The following AUH variants were observed in gnomAD, a reference collection of about 807,000 sequenced individuals.
The protein encoded by AUH is methylglutaconyl-CoA hydratase, mitochondrial.
AUH carries 29 observed loss-of-function variants against 42.3 expected under a neutral mutation model. The observed-to-expected ratio is 0.69, with a 90% confidence interval of 0.51 to 0.93. The LOEUF (loss-of-function observed/expected upper bound fraction) is 0.93, where lower values mean the gene tolerates loss of function less well. AUH is among the 40% of genes least tolerant of loss of function. The probability of loss-of-function intolerance (pLI) is 0.00; values close to 1 mark genes in which losing one functional copy is unlikely to be tolerated. For missense variants in AUH, 452 were observed against 438.1 expected (o/e 1.03, Z -0.28); for synonymous variants, 174 against 166.4 (o/e 1.05, Z -0.35).
At chr9:91,343,851 A>C (rs1489633217) in intron 3 of AUH, among the ~76,000 whole-genome samples, 3 of 152,224 alleles carry the variant, frequency 2.0e-5, no homozygotes, top group Non-Finnish European at 4.4e-5. Context: ...AACACAAATT[A>C]CCAAAACTCA....
chr9:91,275,553 A>G (rs970709276), intron 6 of AUH, among the ~76,000 whole-genome samples: 2 of 152,220 alleles, frequency 1.3e-5, no homozygotes, highest in Non-Finnish European at 2.9e-5. Flanking sequence ...CAGTTAGATA[A>G]TTAAATAAGT....
chr9:91,356,998 A>C lies in AUH; in HGVS notation c.263-843T>G, dbSNP rs541610162. ...AACTGAGCTAAACTGAAGACAACAA[A>C]ATGTACACATGCCTTCGCTGTGCAA... On this transcript the variant is annotated intron_variant, in intron 1 of 9. Transcript: ENST00000375731. 1.4e-4 allele frequency among the ~76,000 whole-genome samples: 21 copies of C among 152,340 alleles called. No homozygotes were observed. In the South Asian group the frequency reaches 4.3e-3, roughly 32 times the overall value.
intron 6 of AUH, among the ~76,000 whole-genome samples, chr9:91,267,874 T>C (rs1830062838): frequency 1.3e-5 from 2 of 152,080 alleles, no homozygotes; most frequent in Admixed American, 1.3e-4. Context: ...TCCATATGAG[T>C]TGTTGGAAGA....
chr9:91,317,475 G>C (rs915748301), intron 4 of AUH, among the ~76,000 whole-genome samples: 2 of 152,032 alleles, frequency 1.3e-5, no homozygotes, highest in African/African-American at 4.8e-5. Flanking sequence ...GTCTGTTGTT[G>C]GTATAAAGAA....
At chr9:91,345,161 C>T (rs2132005709) in intron 3 of AUH, among the ~76,000 whole-genome samples, 1 of 152,122 alleles carries the variant, frequency 6.6e-6, no homozygotes. Context: ...AAGACGAACA[C>T]TCACACTGCT....
At chr9:91,337,689 C>T (rs1830794603) in intron 3 of AUH, among the ~76,000 whole-genome samples, 1 of 152,142 alleles carries the variant, frequency 6.6e-6, no homozygotes, top group African/African-American at 2.4e-5. Flanking sequence ...GCAATCCTAA[C>T]AGGCTTATAG....
chr9:91,295,131 C>T (rs1053649087), intron 6 of AUH, among the ~76,000 whole-genome samples: 30 of 152,108 alleles, frequency 2.0e-4, no homozygotes, highest in African/African-American at 7.0e-4. Flanking sequence ...TCTCTCTGGA[C>T]TGCCTCTACG....
At chr9:91,342,895 T>G (rs1831211452) in intron 3 of AUH, 1 of 152,394 alleles carries the variant, frequency 6.6e-6, no homozygotes. Flanking sequence ...TCTTTCTCCT[T>G]AACCTACTCA....
intron 6 of AUH, among the ~76,000 whole-genome samples, chr9:91,250,846 C>T (rs1829086622): frequency 6.6e-6 from 1 of 152,192 alleles, no homozygotes; most frequent in South Asian, 2.1e-4. Context: ...AGTGTGAGCT[C>T]CCTGTTTCCT....
chr9:91,346,965 T>C (rs1251682455), intron 3 of AUH, among the ~76,000 whole-genome samples: 2 of 152,108 alleles, frequency 1.3e-5, no homozygotes, highest in African/African-American at 2.4e-5. Context: ...AGAGCTTCCA[T>C]GCCCTCTTTA....
chr9:91,360,290 T>C (rs1832751173), intron 1 of AUH: 1 of 152,252 alleles, frequency 6.6e-6, no homozygotes, highest in Non-Finnish European at 1.5e-5. Context: ...CAAAAGATGA[T>C]GGCATTCAGG....
Position 91,247,794 on chromosome 9 carries a change from T to A in AUH, c.656-26802A>T, listed in dbSNP as rs565208857. ...GTAGAGCATCTTTTTATGTGCATAT[T>A]TGCCATACTTACATTTTCTTTAGTG... is the stretch of plus-strand genomic sequence containing the variant. On this transcript the variant is annotated intron_variant, in intron 6 of 9. Transcript: ENST00000375731. Among the ~76,000 whole-genome samples, 3 of 152,384 alleles carry A rather than the reference T, an allele frequency of 2.0e-5. No homozygotes were observed. In the East Asian group the frequency reaches 5.8e-4, roughly 29 times the overall value.
chr9:91,214,190 C>A lies in AUH; in HGVS notation c.*158G>T. On this transcript the variant is annotated 3_prime_UTR_variant, in exon 10 of 10. Transcript: ENST00000375731. ...GACATTTACACATTTGAATGAAGTA[C>A]ACGGATGGGTCCATTCCAGATGCTT... 1 of 678,422 alleles carries A rather than the reference C, an allele frequency of 1.5e-6. No homozygotes were observed. The highest frequency in any genetic ancestry group is 2.7e-6 in the Non-Finnish European group (1 of 374,574). 42.0% of individuals were successfully genotyped at this position (678,422 alleles called of 1,614,324 possible). A position where few individuals can be genotyped will look rare whatever the true frequency, so the allele number is the denominator to read the frequency against.
At chr9:91,288,757 TA>T (rs1426918368) in intron 6 of AUH, among the ~76,000 whole-genome samples, 2 of 152,186 alleles carry the variant, frequency 1.3e-5, no homozygotes, top group Non-Finnish European at 2.9e-5. Flanking sequence ...TTGCACTATA[TA>T]CTTTTAATAG....
intron 4 of AUH, among the ~76,000 whole-genome samples, chr9:91,321,897 G>T (rs1466227688): frequency 6.6e-6 from 1 of 152,128 alleles, no homozygotes; most frequent in Non-Finnish European, 1.5e-5. Context: ...TTGTATAGCT[G>T]CAACAGAGAC....
intron 6 of AUH, among the ~76,000 whole-genome samples, chr9:91,243,874 TC>T (rs1275469470): frequency 1.3e-5 from 2 of 152,118 alleles, no homozygotes; most frequent in Non-Finnish European, 2.9e-5. Context: ...ATCGGGAAAA[TC>T]ATCAAACACT....
At chr9:91,345,208 TA>T (rs538592038) in intron 3 of AUH, among the ~76,000 whole-genome samples, 21 of 150,286 alleles carry the variant, frequency 1.4e-4, no homozygotes, top group Admixed American at 3.3e-4. Flanking sequence ...AATGGATATA[TA>T]AAAAAAAATA....
At chr9:91,295,169 C>A (rs1210143583) in intron 6 of AUH, among the ~76,000 whole-genome samples, 1 of 152,122 alleles carries the variant, frequency 6.6e-6, no homozygotes, top group African/African-American at 2.4e-5. Flanking sequence ...CTTCCTTTGC[C>A]TTCTGTCATG....
At chr9:91,280,132 G>C (rs1237971526) in intron 6 of AUH, among the ~76,000 whole-genome samples, 1 of 152,102 alleles carries the variant, frequency 6.6e-6, no homozygotes, top group Non-Finnish European at 1.5e-5. Context: ...AGTGAATTCA[G>C]TTTTATTTTT....
Sources: allele counts gnomAD v4.1 joint callset (sites outside exome capture counted in the v4.1 genomes callset), GRCh38; gene constraint gnomAD v4.1.1; transcripts MANE v1.5; gene names NCBI Gene and HGNC (gene_info 2026-07-23, HGNC 2026-07-21).